PHKB: variants seen among roughly 807,000 people sequenced by gnomAD.
PHKB encodes the protein phosphorylase kinase regulatory subunit beta, also known as phosphorylase b kinase regulatory subunit beta.
In PHKB, 122 loss-of-function variants were observed where a neutral mutation model predicts 152.1. The ratio of observed to expected loss-of-function variants is 0.80; its 90% CI spans 0.69 to 0.93. PHKB has a LOEUF of 0.93. Ranked by LOEUF, PHKB falls within the 40% of genes least tolerant of loss-of-function variation. PHKB has a pLI of 0.00. For missense variants in PHKB, 1,304 were observed against 1,328.4 expected (o/e 0.98, Z 0.29); for synonymous variants, 436 against 464.9 (o/e 0.94, Z 0.80).
At chr16:47,550,600 T>A (rs138405560) in intron 7 of PHKB, among the ~76,000 whole-genome samples, 1 of 152,320 alleles carries the variant, frequency 6.6e-6, no homozygotes, top group East Asian at 1.9e-4. Flanking sequence ...TCAGCTGAAG[T>A]GACTGGCTCT....
Position 47,588,954 on chromosome 16 carries a change from T to C in PHKB, c.920T>C (p.Leu307Pro). The C allele has an allele frequency of 6.2e-7, 1 of 1,614,036 alleles. No individual in the cohort carries two copies. Among genetic ancestry groups the C allele is most frequent in the South Asian group, 1.1e-5 (1 of 91,078 alleles). ...TGCATCAGTTATCCTGCATTTGCCC[T>C]GGATGATGAAGTTCTTTTTAGCCAG... Reference protein sequence around the residue: ...LPCISYPAFALDDEVLFSQTL... With the variant: ...LPCISYPAFAPDDEVLFSQTL... Residue 307 changes from leucine (L) to proline (P), a missense_variant, in exon 10 of 31, where the codon CTG becomes CCG. By Grantham distance (98) the Leu-to-Pro change is moderately conservative. Coordinates refer to ENST00000323584, the MANE Select transcript of PHKB (RefSeq NM_000293.3).
intron 26 of PHKB, among the ~76,000 whole-genome samples, chr16:47,683,202 T>C (rs973918916): frequency 6.6e-6 from 1 of 152,336 alleles, no homozygotes; most frequent in African/African-American, 2.4e-5. Context: ...GTTAGGCTGC[T>C]CGGGGGTCAA....
At chr16:47,565,346 C>T (rs1971547261) in intron 7 of PHKB, 1 of 854,510 alleles carries the variant, frequency 1.2e-6, no homozygotes, top group Admixed American at 1.7e-5. Context: ...TTCATCTTTT[C>T]TTGCTGTTCC....
intron 6 of PHKB, among the ~76,000 whole-genome samples, chr16:47,522,777 G>A (rs1291048693): frequency 1.3e-5 from 2 of 151,312 alleles, no homozygotes; most frequent in East Asian, 3.9e-4. Context: ...TTTCTCTCGT[G>A]AGTTTTTCTT....
chr16:47,597,811 A>G (rs1196693296), intron 13 of PHKB: 1 of 150,342 alleles, frequency 6.7e-6, no homozygotes, highest in African/African-American at 2.4e-5. Context: ...CAGAAACTCT[A>G]CCTCTATCCT....
At chr16:47,580,168 T>C in intron 7 of PHKB, 127 bp from the exon 8 acceptor site, 1 of 746,264 alleles carries the variant, frequency 1.3e-6, no homozygotes. Context: ...TCTTAGACAT[T>C]ATTCTTCTTA....
intron 18 of PHKB, 87 bp downstream of exon 18, chr16:47,649,291 A>C: frequency 1.2e-6 from 1 of 802,432 alleles, no homozygotes; most frequent in Non-Finnish European, 2.2e-6. Context: ...ACTCCCAGGT[A>C]TCTGTGACAC....
intron 1 of PHKB, among the ~76,000 whole-genome samples, chr16:47,470,989 C>T (rs1253069668): frequency 6.6e-6 from 1 of 152,220 alleles, no homozygotes; most frequent in East Asian, 1.9e-4. Context: ...GAGCCATAAC[C>T]TCTCCTTGTA....
At chr16:47,523,642 T>C (rs1970720499) in intron 6 of PHKB, among the ~76,000 whole-genome samples, 1 of 152,224 alleles carries the variant, frequency 6.6e-6, no homozygotes, top group Admixed American at 6.5e-5. Flanking sequence ...TGTGTGTGCA[T>C]AGCTTTCTGA....
intron 1 of PHKB, among the ~76,000 whole-genome samples, chr16:47,464,548 C>T (rs1567267448): frequency 6.6e-6 from 1 of 152,124 alleles, no homozygotes; most frequent in African/African-American, 2.4e-5. Context: ...TGTGTTGATG[C>T]ACCCCTTTGA....
intron 20 of PHKB, among the ~76,000 whole-genome samples, chr16:47,657,821 C>G (rs974128253): frequency 6.6e-6 from 1 of 152,128 alleles, no homozygotes; most frequent in South Asian, 2.1e-4. Context: ...CTCTCTTTCT[C>G]TCATACCCTG....
chr16:47,683,944 C>T (rs996658352), intron 26 of PHKB, among the ~76,000 whole-genome samples: 3 of 152,088 alleles, frequency 2.0e-5, no homozygotes, highest in African/African-American at 7.2e-5. Context: ...CTTAGCAGAT[C>T]CTTGTCTTAT....
intron 16 of PHKB, among the ~76,000 whole-genome samples, chr16:47,646,411 G>A (rs1341143230): frequency 8.8e-6 from 1 of 113,366 alleles, no homozygotes; most frequent in Admixed American, 9.1e-5. Flanking sequence ...GGATAGCATT[G>A]GGAGATATAC....
intron 30 of PHKB, 109 bp downstream of exon 30, chr16:47,698,697 A>C (rs1974197782): frequency 2.9e-6 from 3 of 1,029,020 alleles, no homozygotes; most frequent in Non-Finnish European, 4.1e-6. Flanking sequence ...ACAGATTCAC[A>C]GGTGCAAAAT....
At chr16:47,679,855 A>C (rs1295446767) in intron 26 of PHKB, among the ~76,000 whole-genome samples, 1 of 152,214 alleles carries the variant, frequency 6.6e-6, no homozygotes, top group Non-Finnish European at 1.5e-5. Flanking sequence ...GCCCATTTTC[A>C]AAGGGAATGC....
At chr16:47,482,285 G>A in intron 1 of PHKB, among the ~76,000 whole-genome samples, 1 of 152,196 alleles carries the variant, frequency 6.6e-6, no homozygotes, top group South Asian at 2.1e-4. Flanking sequence ...CAAAACTTCA[G>A]TGTGTTTCTA....
At chr16:47,530,471 T>C (rs1298610380) in intron 6 of PHKB, among the ~76,000 whole-genome samples, 2 of 152,136 alleles carry the variant, frequency 1.3e-5, no homozygotes, top group African/African-American at 4.8e-5. Context: ...CTATTTAACA[T>C]TGTACAGGTG....
intron 7 of PHKB, among the ~76,000 whole-genome samples, chr16:47,578,768 T>C (rs1241768356): frequency 2.0e-5 from 3 of 152,206 alleles, no homozygotes; most frequent in African/African-American, 7.2e-5. Context: ...GAGTTGAGCA[T>C]TGTGCCTCAT....
At chr16:47,529,081 A>G (rs1970815937) in intron 6 of PHKB, 1 of 152,166 alleles carries the variant, frequency 6.6e-6, no homozygotes, top group Non-Finnish European at 1.5e-5. Context: ...TTCCTTTTCT[A>G]TCCCTCTGCT....
Sources: gnomAD v4.1 joint callset for allele counts (sites outside exome capture counted in the v4.1 genomes callset) on GRCh38, gnomAD v4.1.1 for gene constraint, MANE v1.5 for transcripts, NCBI Gene and HGNC (gene_info 2026-07-23, HGNC 2026-07-21) for gene names.